The following BCAS3 variants were observed in gnomAD, a reference collection of about 807,000 sequenced individuals.
The protein encoded by BCAS3 is BCAS3 microtubule associated cell migration factor, also known as BCAS4/BCAS3 fusion.
In BCAS3, 53 loss-of-function variants were observed where a neutral mutation model predicts 116.1. That is an observed-to-expected ratio of 0.46 (90% confidence interval 0.37 to 0.57). The LOEUF (loss-of-function observed/expected upper bound fraction) is 0.57, where lower values mean the gene tolerates loss of function less well. BCAS3 is among the 20% of genes least tolerant of loss of function. BCAS3 has a pLI of 0.00. For missense variants in BCAS3, 917 were observed against 1,165.4 expected (o/e 0.79, Z 3.10); for synonymous variants, 391 against 408.2 (o/e 0.96, Z 0.51).
intron 4 of BCAS3, among the ~76,000 whole-genome samples, chr17:60,703,122 A>G (rs1414123021): frequency 6.6e-6 from 1 of 151,334 alleles, no homozygotes. Flanking sequence ...TAAAAATACA[A>G]AAATTAGCTG....
At position 61,285,258 on chromosome 17, in the gene BCAS3, T is replaced by TG. The variant is rs766590925; in HGVS notation, c.2426-83069_2426-83068insG. ...GTGTGTGTGTGTGTGTGTGTGTGTG[T>TG]TTCTTGCTAAAATGCAGCAAAGGAA... is the stretch of plus-strand genomic sequence containing the variant. On this transcript the variant is annotated intron_variant, in intron 22 of 23. Transcript: ENST00000407086. The surrounding 1 kb of genome is among the most constrained non-coding windows in gnomAD (Gnocchi z 5.4). Among the ~76,000 whole-genome samples, 7,063 of 152,008 alleles carry TG rather than the reference T, an allele frequency of 0.046. 555 individuals carry two copies. Among genetic ancestry groups the TG allele is most frequent in the African/African-American group, 0.16 (6,625 of 41,342 alleles).
intron 12 of BCAS3, among the ~76,000 whole-genome samples, chr17:60,919,155 C>A (rs2058938586): frequency 2.0e-5 from 3 of 152,028 alleles, no homozygotes; most frequent in African/African-American, 7.3e-5. Context: ...TCTCACTGGG[C>A]TTCTTTAATA....
rs1055273767 is a variant in BCAS3, at chr17:61,208,784, C to G, written c.2425+124220C>G. Among the ~76,000 whole-genome samples the G allele has an allele frequency of 1.3e-5, 2 of 151,752 alleles. No individual in the cohort carries two copies. Among genetic ancestry groups the G allele is most frequent in the Non-Finnish European group, 2.9e-5 (2 of 68,012 alleles). Reference sequence around the variant, plus strand: ...GCTGCCCCTGCAGTAGAGCCCTTGTCAGCTCGCTGGTGCTCTCTGCAAACT... The same window carrying G: ...GCTGCCCCTGCAGTAGAGCCCTTGTGAGCTCGCTGGTGCTCTCTGCAAACT... On this transcript the variant is annotated intron_variant, in intron 22 of 23. Coordinates refer to ENST00000407086, the MANE Select transcript of BCAS3 (RefSeq NM_017679.5). The surrounding 1 kb of genome is among the most constrained non-coding windows in gnomAD (Gnocchi z 4.5).
At chr17:61,093,207 C>A (rs770747158) in intron 22 of BCAS3, among the ~76,000 whole-genome samples, 1 of 151,976 alleles carries the variant, frequency 6.6e-6, no homozygotes, top group African/African-American at 2.4e-5. Context: ...CATGCCCAGC[C>A]CCTCCAGTCT....
Position 61,248,857 on chromosome 17 carries a change from A to G in BCAS3, c.2426-119470A>G, listed in dbSNP as rs902298534. Among the ~76,000 whole-genome samples the G allele has an allele frequency of 2.0e-5, 3 of 152,382 alleles. No homozygotes were observed. The highest frequency in any genetic ancestry group is 4.1e-4 in the South Asian group (2 of 4,828). Reference sequence around the variant, plus strand: ...TTTTACACTTCAAACCACTTGGAGTATCTTAAAGAAGTAGTATACTGTCAA... The same window carrying G: ...TTTTACACTTCAAACCACTTGGAGTGTCTTAAAGAAGTAGTATACTGTCAA... On this transcript the variant is annotated intron_variant, in intron 22 of 23. Transcript: ENST00000407086. This position sits in a 1 kb window ranked among gnomAD's most constrained non-coding sequence, Gnocchi z 4.3.
chr17:60,921,935 T>G (rs1486170414), intron 12 of BCAS3, among the ~76,000 whole-genome samples: 2 of 151,984 alleles, frequency 1.3e-5, no homozygotes. Flanking sequence ...GATAAAAGGG[T>G]CAATATAATA....
At chr17:60,820,228 C>T (rs905429292) in intron 7 of BCAS3, among the ~76,000 whole-genome samples, 3 of 152,042 alleles carry the variant, frequency 2.0e-5, no homozygotes, top group South Asian at 2.1e-4. Context: ...CCACCACGCC[C>T]GGCTAATTTT....
chr17:61,014,309 C>T (rs2065298562), intron 15 of BCAS3, among the ~76,000 whole-genome samples: 1 of 151,908 alleles, frequency 6.6e-6, no homozygotes, highest in Admixed American at 6.6e-5. Flanking sequence ...GTAAACCCAT[C>T]AATTAATAAG....
rs1303235862 is a variant in BCAS3 at position 60,800,302 on chromosome 17, T to C, written c.404-7702T>C. Reference sequence around the variant, plus strand: ...TATTGTCATGATCCTTTGTTTGAGCTCCTCTAGTAGGTATGTAGTGATGTC... The same window carrying C: ...TATTGTCATGATCCTTTGTTTGAGCCCCTCTAGTAGGTATGTAGTGATGTC... On this transcript the variant is annotated intron_variant, in intron 6 of 23. Transcript: ENST00000407086. Among the ~76,000 whole-genome samples, 3 of 152,224 alleles carry C rather than the reference T, an allele frequency of 2.0e-5. No homozygotes were observed. The East Asian group carries it at 5.8e-4, about 29-fold the overall frequency.
At chr17:61,336,725 G>A (rs995279041) in intron 22 of BCAS3, among the ~76,000 whole-genome samples, 1 of 152,196 alleles carries the variant, frequency 6.6e-6, no homozygotes, top group African/African-American at 2.4e-5. Context: ...TTTGTTTGGG[G>A]AAAGCTAGAT....
intron 19 of BCAS3, among the ~76,000 whole-genome samples, chr17:61,044,852 A>G (rs901946348): frequency 6.6e-6 from 1 of 151,046 alleles, no homozygotes; most frequent in Admixed American, 6.6e-5. Context: ...GCTCACCACA[A>G]CCTCTGCTCC....
Position 61,362,776 on chromosome 17 carries a change from T to G in BCAS3, c.2426-5551T>G, listed in dbSNP as rs973722174. 5.9e-5 allele frequency: 9 copies of G among 152,272 alleles called. No individual in the cohort carries two copies. Among genetic ancestry groups the G allele is most frequent in the Non-Finnish European group, 1.0e-4 (7 of 68,046 alleles). The allele number at this position is 152,272 out of a possible 1,614,324, so 9.4% of individuals were successfully genotyped here. On this transcript the variant is annotated intron_variant, in intron 22 of 23. Coordinates refer to ENST00000407086, the MANE Select transcript of BCAS3 (RefSeq NM_017679.5). This position sits in a 1 kb window ranked among gnomAD's most constrained non-coding sequence, Gnocchi z 4.4. The stretch of plus-strand genomic sequence containing the variant: ...CTCTGCCGTCCTAGACAGATTGTTT[T>G]GTTTTTTCCAATTTCCAGGATCTCC...
intron 7 of BCAS3, among the ~76,000 whole-genome samples, chr17:60,853,078 G>A (rs2053320473): frequency 6.6e-6 from 1 of 152,152 alleles, no homozygotes; most frequent in African/African-American, 2.4e-5. Context: ...GTAAACATTG[G>A]TACATCCTGT....
intron 22 of BCAS3, among the ~76,000 whole-genome samples, chr17:61,237,219 G>A (rs1335028930): frequency 6.6e-6 from 1 of 152,112 alleles, no homozygotes. Context: ...ATTGTAACAT[G>A]TACCAATCAG....
Position 61,364,045 on chromosome 17 carries a change from G to A in BCAS3, c.2426-4282G>A, listed in dbSNP as rs1313014242. On this transcript the variant is annotated intron_variant, in intron 22 of 23. Transcript: ENST00000407086. The surrounding 1 kb of genome is among the most constrained non-coding windows in gnomAD (Gnocchi z 5.4). ...GTCCTCAGCAAAGAGGCTACGAGGT[G>A]TGGAAGGGAAAGAGACAGCGGGTAT... Among the ~76,000 whole-genome samples the A allele has an allele frequency of 1.3e-5, 2 of 152,238 alleles. No homozygotes were observed. Among genetic ancestry groups the A allele is most frequent in the Non-Finnish European group, 1.5e-5 (1 of 68,042 alleles).
intron 14 of BCAS3, among the ~76,000 whole-genome samples, chr17:60,959,930 G>A (rs2061334183): frequency 6.6e-6 from 1 of 152,136 alleles, no homozygotes; most frequent in South Asian, 2.1e-4. Flanking sequence ...CTCTCTGATT[G>A]TATTACATCC....
In BCAS3 at chr17:61,324,821, T is replaced by TG. The variant is rs1287576814; in HGVS notation, c.2426-43505dup. ...GCAACCTAGTGAGACCTCATCTCTA[T>TG]GAAAAAAAAAAAAAAAGAAGAAACA... On this transcript the variant is annotated intron_variant, in intron 22 of 23. Coordinates refer to ENST00000407086, the MANE Select transcript of BCAS3 (RefSeq NM_017679.5). The surrounding 1 kb of genome is among the most constrained non-coding windows in gnomAD (Gnocchi z 4.6). Among the ~76,000 whole-genome samples the TG allele has an allele frequency of 1.5e-5, 2 of 136,830 alleles. No homozygotes were observed. The highest frequency in any genetic ancestry group is 7.2e-5 in the Admixed American group (1 of 13,846). The allele number at this position is 136,830 out of a possible 152,430, so 89.8% of individuals were successfully genotyped here.
At chr17:61,301,362 G>A (rs535804017) in intron 22 of BCAS3, among the ~76,000 whole-genome samples, 1 of 152,292 alleles carries the variant, frequency 6.6e-6, no homozygotes, top group East Asian at 1.9e-4. Flanking sequence ...GGCCGGGCAC[G>A]GTGACTCACG....
In BCAS3 at chr17:60,876,845, A is replaced by G. The variant is rs138780069; in HGVS notation, c.661+2107A>G. 1.6e-4 allele frequency among the ~76,000 whole-genome samples: 25 copies of G among 152,226 alleles called. 1 individual carries two copies. In the East Asian group the frequency reaches 4.8e-3, roughly 29 times the overall value. ...TACTCAGTTTGTTTTGGATTGAGGA[A>G]ATAAAGTTTTACCATGGAAGGCATA... On this transcript the variant is annotated intron_variant, in intron 9 of 23. Transcript: ENST00000407086.
Sources: allele counts gnomAD v4.1 joint callset (sites outside exome capture counted in the v4.1 genomes callset), GRCh38; gene constraint gnomAD v4.1.1; non-coding constraint Gnocchi (gnomAD v3.1); transcripts MANE v1.5; gene names NCBI Gene and HGNC (gene_info 2026-07-23, HGNC 2026-07-21).